SAMD5: variants seen among roughly 807,000 people sequenced by gnomAD.
SAMD5 encodes sterile alpha motif domain containing 5.
SAMD5 carries 13 observed loss-of-function variants against 11.3 expected under a neutral mutation model. The observed-to-expected ratio is 1.15, with a 90% CI of 0.75 to 1.83. The LOEUF (loss-of-function observed/expected upper bound fraction) is 1.83. SAMD5 is among the 40% of genes most tolerant of loss of function. The pLI is 0.00. For synonymous variants in SAMD5, 129 were observed against 111.3 expected (o/e 1.16, Z -1.00); for missense variants, 255 against 239.1 (o/e 1.07, Z -0.44).
At chr6:147,768,860 C>T in the SAMD5 span, among the ~76,000 whole-genome samples, 2 of 152,314 alleles carry the variant, frequency 1.3e-5, no homozygotes, top group South Asian at 4.1e-4. Context: ...GTGGCACCAT[C>T]TCAGCTCACT....
rs144967058 is a variant in SAMD5, at chr6:147,564,435, G to A, written c.501G>A (p.Pro167=). Residue 167 remains proline, a synonymous_variant, in exon 2 of 2, where the codon CCG becomes CCA. Coordinates refer to ENST00000367474, the MANE Select transcript of SAMD5 (RefSeq NM_001030060.3). The stretch of plus-strand genomic sequence containing the variant: ...TCCTAGAGTACTTAATGAATTGGCC[G>A]AAGTCATCACAGAGCCGCTAGATAT... ...AGILEYLMNW[P]KSSQSR is the part of the protein sequence containing the mutation. 3.1e-5 allele frequency: 24 copies of A among 781,324 alleles called. No homozygotes were observed. The highest frequency in any genetic ancestry group is 7.3e-5 in the East Asian group (3 of 41,240). 48.4% of individuals were successfully genotyped at this position (781,324 alleles called of 1,614,324 possible).
intron 1 of SAMD5, among the ~76,000 whole-genome samples, chr6:147,575,483 G>A (rs1789205064): frequency 6.6e-6 from 1 of 152,244 alleles, no homozygotes; most frequent in South Asian, 2.1e-4. Flanking sequence ...GCACATTGTG[G>A]CAACTGTATC....
At chr6:147,724,811 T>G (rs1358175699) in intron 1 of SAMD5, among the ~76,000 whole-genome samples, 2 of 152,214 alleles carry the variant, frequency 1.3e-5, no homozygotes, top group Non-Finnish European at 2.9e-5. Context: ...ATAAAGTGTT[T>G]CTTAAAGACT....
the SAMD5 span, among the ~76,000 whole-genome samples, chr6:147,889,577 T>G: frequency 6.6e-6 from 1 of 152,236 alleles, no homozygotes; most frequent in South Asian, 2.1e-4. Flanking sequence ...TATTTTTTAT[T>G]CCTATAAATA....
the SAMD5 span, among the ~76,000 whole-genome samples, chr6:147,885,758 A>C: frequency 6.6e-6 from 1 of 152,200 alleles, no homozygotes; most frequent in African/African-American, 2.4e-5. Flanking sequence ...AATGAACATA[A>C]GTAGTGGGAG....
chr6:147,819,935 C>T, the SAMD5 span, among the ~76,000 whole-genome samples: 1 of 152,044 alleles, frequency 6.6e-6, no homozygotes, highest in African/African-American at 2.4e-5. Flanking sequence ...TCTTGGCACA[C>T]GAGGAGGAGA....
intron 1 of SAMD5, among the ~76,000 whole-genome samples, chr6:147,595,100 T>G (rs9986535): frequency 6.6e-6 from 1 of 152,348 alleles, no homozygotes; most frequent in South Asian, 2.1e-4. Context: ...GTACTTGCTG[T>G]ACCTGTTAAG....
chr6:147,570,906 C>T (rs555673966), downstream of SAMD5, among the ~76,000 whole-genome samples: 3 of 152,124 alleles, frequency 2.0e-5, no homozygotes, highest in Non-Finnish European at 4.4e-5. Context: ...AGACGATTGG[C>T]GTTCTTCCAC....
At position 147,616,447 on chromosome 6, in the gene SAMD5, A is replaced by T. The variant is rs553132727; in HGVS notation, c.162+107060A>T. Among the ~76,000 whole-genome samples, 180 of 151,868 alleles carry T rather than the reference A, an allele frequency of 1.2e-3. 1 individual carries two copies. Among genetic ancestry groups the T allele is most frequent in the African/African-American group, 4.1e-3 (171 of 41,424 alleles). Reference sequence around the variant, plus strand: ...TCCTGGGGATTCCTCGGTCACTATGACCTGCCATTAGTCTGCAGCAGTGAC... The same window carrying T: ...TCCTGGGGATTCCTCGGTCACTATGTCCTGCCATTAGTCTGCAGCAGTGAC... On this transcript the variant is annotated intron_variant, in intron 1 of 1. Coordinates refer to the SAMD5 transcript ENST00000566741.
the SAMD5 span, among the ~76,000 whole-genome samples, chr6:147,951,845 A>G: frequency 6.6e-6 from 1 of 152,166 alleles, no homozygotes; most frequent in Non-Finnish European, 1.5e-5. Flanking sequence ...ATTGCTACAT[A>G]CCATATGGCC....
intron 1 of SAMD5, among the ~76,000 whole-genome samples, chr6:147,543,928 C>T (rs953959522): frequency 2.0e-5 from 3 of 152,058 alleles, no homozygotes; most frequent in Non-Finnish European, 4.4e-5. Flanking sequence ...GGAGAGCAAG[C>T]TCCTCTCTTT....
chr6:147,575,658 A>C (rs1467893701), intron 1 of SAMD5, among the ~76,000 whole-genome samples: 1 of 152,250 alleles, frequency 6.6e-6, no homozygotes, highest in African/African-American at 2.4e-5. Context: ...TGATAATGAT[A>C]TATTAGTCAT....
At chr6:147,608,721 C>T (rs1789737401) in intron 1 of SAMD5, among the ~76,000 whole-genome samples, 1 of 152,106 alleles carries the variant, frequency 6.6e-6, no homozygotes, top group Admixed American at 6.5e-5. Context: ...ATGAATAAGA[C>T]CTACTATTTG....
At chr6:147,729,866 C>A (rs769200354) in intron 1 of SAMD5, 1 of 455,680 alleles carries the variant, frequency 2.2e-6, no homozygotes, top group South Asian at 1.6e-5. Context: ...AGGTGGATCA[C>A]CTGAGGTCAG....
intron 1 of SAMD5, among the ~76,000 whole-genome samples, chr6:147,632,499 A>G (rs929076226): frequency 2.0e-5 from 3 of 152,204 alleles, no homozygotes; most frequent in African/African-American, 7.2e-5. Context: ...TTTGGAAGTT[A>G]TGAGAACTGT....
the SAMD5 span, among the ~76,000 whole-genome samples, chr6:147,828,755 T>G: frequency 6.6e-6 from 1 of 152,198 alleles, no homozygotes; most frequent in Non-Finnish European, 1.5e-5. Flanking sequence ...GTCCTATTAG[T>G]TCTGTCCCTT....
At chr6:147,744,923 A>AAATAAATAAATAAATAAATAAAT in the SAMD5 span, among the ~76,000 whole-genome samples, 1 of 151,674 alleles carries the variant, frequency 6.6e-6, no homozygotes, top group African/African-American at 2.4e-5. Context: ...ATAAATAAAT[A>AAATAAATAAATAAATAAATAAAT]AGTAAGTAAA....
At chr6:147,549,983 G>C (rs972382189) in intron 1 of SAMD5, among the ~76,000 whole-genome samples, 4 of 151,088 alleles carry the variant, frequency 2.6e-5, no homozygotes. Flanking sequence ...GATGGCTCAT[G>C]CCTGTAATCC....
the SAMD5 span, among the ~76,000 whole-genome samples, chr6:147,861,128 C>T: frequency 6.6e-6 from 1 of 151,974 alleles, no homozygotes; most frequent in Non-Finnish European, 1.5e-5. Flanking sequence ...GTGGTGCACA[C>T]AGAAAGCCCT....
Sources: gnomAD v4.1 joint callset for allele counts (sites outside exome capture counted in the v4.1 genomes callset) on GRCh38, gnomAD v4.1.1 for gene constraint, MANE v1.5 for transcripts, NCBI Gene and HGNC (gene_info 2026-07-23, HGNC 2026-07-21) for gene names.